SYNE3: variants seen among roughly 807,000 people sequenced by gnomAD.
SYNE3 encodes the protein spectrin repeat containing nuclear envelope family member 3, also known as nesprin-3.
SYNE3 carries 100 observed loss-of-function variants against 111.2 expected under a neutral mutation model. The observed-to-expected ratio is 0.90, with a 90% confidence interval of 0.77 to 1.06. The LOEUF (loss-of-function observed/expected upper bound fraction) is 1.06. SYNE3 is among the 50% of genes least tolerant of loss of function. The pLI is 0.00. For missense variants in SYNE3, 1,160 were observed against 1,240.3 expected (o/e 0.94, Z 0.97); for synonymous variants, 547 against 533.9 (o/e 1.02, Z -0.34).
At chr14:95,496,257 A>G (rs1013590063) in intron 1 of SYNE3, among the ~76,000 whole-genome samples, 1 of 152,244 alleles carries the variant, frequency 6.6e-6, no homozygotes, top group African/African-American at 2.4e-5. Flanking sequence ...GATGAACCAA[A>G]CAGATAAGAG....
chr14:95,423,559 A>T (rs1409471345), intron 17 of SYNE3, among the ~76,000 whole-genome samples: 2 of 55,014 alleles, frequency 3.6e-5, no homozygotes, highest in East Asian at 1.5e-3. Context: ...GGGCATGGGG[A>T]TTTGATGGGG....
At chr14:95,499,299 C>T (rs1345256970) in intron 1 of SYNE3, among the ~76,000 whole-genome samples, 2 of 152,228 alleles carry the variant, frequency 1.3e-5, no homozygotes, top group African/African-American at 4.8e-5. Flanking sequence ...CTGTGCCTCA[C>T]AGCCTCCACC....
At chr14:95,511,245 A>G (rs1008234879) in intron 1 of SYNE3, among the ~76,000 whole-genome samples, 1 of 152,240 alleles carries the variant, frequency 6.6e-6, no homozygotes, top group Non-Finnish European at 1.5e-5. Context: ...CCTGCAAAAA[A>G]TAGGATGAGT....
chr14:95,483,982 G>C (rs1431453601), intron 1 of SYNE3, among the ~76,000 whole-genome samples: 1 of 152,232 alleles, frequency 6.6e-6, no homozygotes, highest in Non-Finnish European at 1.5e-5. Context: ...TCACAGACCG[G>C]TGGTGTCTGG....
At chr14:95,484,379 C>T (rs1351225012) in intron 1 of SYNE3, among the ~76,000 whole-genome samples, 1 of 152,128 alleles carries the variant, frequency 6.6e-6, no homozygotes, top group African/African-American at 2.4e-5. Flanking sequence ...TCCAATTGGA[C>T]ACTTTGAAGG....
chr14:95,479,046 C>G (rs988320101), intron 1 of SYNE3, among the ~76,000 whole-genome samples: 1 of 152,062 alleles, frequency 6.6e-6, no homozygotes, highest in Non-Finnish European at 1.5e-5. Flanking sequence ...CACTTAACCT[C>G]TCTGGGTGTC....
At chr14:95,419,113 G>T (rs1272715336) in intron 17 of SYNE3, among the ~76,000 whole-genome samples, 6 of 152,214 alleles carry the variant, frequency 3.9e-5, no homozygotes, top group Non-Finnish European at 5.9e-5. Flanking sequence ...GGACTGGCCA[G>T]GTTGTGGCTT....
At chr14:95,418,063 G>A (rs765505660) in intron 17 of SYNE3, 37 bp from the exon 18 acceptor site, 7 of 1,599,362 alleles carry the variant, frequency 4.4e-6, no homozygotes, top group Non-Finnish European at 5.9e-6. Context: ...GTGGGCTGGG[G>A]GGCTCTGGTG....
At chr14:95,503,602 A>C (rs1480921823) in intron 1 of SYNE3, among the ~76,000 whole-genome samples, 1 of 149,110 alleles carries the variant, frequency 6.7e-6, no homozygotes, top group African/African-American at 2.5e-5. Flanking sequence ...GACTTGTTTC[A>C]GAACTACCTT....
intron 5 of SYNE3, chr14:95,456,058 A>G: frequency 5.0e-6 from 2 of 402,756 alleles, no homozygotes; most frequent in Non-Finnish European, 8.8e-6. Flanking sequence ...GGAGCCAAAT[A>G]GAACCAAATG....
chr14:95,443,207 T>A lies in SYNE3; in HGVS notation c.1859A>T (p.His620Leu), dbSNP rs1020195155. 6.2e-7 allele frequency: 1 copy of A among 1,614,218 alleles called. No individual in the cohort carries two copies. Among genetic ancestry groups the A allele is most frequent in the Non-Finnish European group, 8.5e-7 (1 of 1,180,026 alleles). Residue 620 changes from histidine (H) to leucine (L), a missense_variant, in exon 11 of 18, where the codon CAC becomes CTC. Coordinates refer to ENST00000682763, the MANE Select transcript of SYNE3 (RefSeq NM_152592.6). Reference sequence around the variant, plus strand: ...GTCGGAGGAAAGCTGGTCCATTTTGTGCTGGTGGTTGGGGTTCTCCTGGAC... The same window carrying A: ...GTCGGAGGAAAGCTGGTCCATTTTGAGCTGGTGGTTGGGGTTCTCCTGGAC... ...PLVQENPNHQ[H>L]KMDQLSSDFQ... is the part of the protein sequence containing the mutation.
At chr14:95,474,418 C>T (rs1176939110) in intron 2 of SYNE3, among the ~76,000 whole-genome samples, 1 of 152,214 alleles carries the variant, frequency 6.6e-6, no homozygotes, top group South Asian at 2.1e-4. Flanking sequence ...GTGGGCCTCA[C>T]CCACCTGCAC....
chr14:95,442,145 T>G (rs142898652), intron 11 of SYNE3, among the ~76,000 whole-genome samples: 1 of 152,316 alleles, frequency 6.6e-6, no homozygotes, highest in East Asian at 1.9e-4. Context: ...CTCTTGGGTT[T>G]GATCAAAGTG....
At chr14:95,509,942 T>C (rs900080701) in intron 1 of SYNE3, among the ~76,000 whole-genome samples, 5 of 152,236 alleles carry the variant, frequency 3.3e-5, no homozygotes, top group African/African-American at 1.2e-4. Context: ...AGATACCATC[T>C]TGGCCCTGAA....
At chr14:95,502,546 G>A (rs1428531206) in intron 1 of SYNE3, among the ~76,000 whole-genome samples, 1 of 152,134 alleles carries the variant, frequency 6.6e-6, no homozygotes, top group African/African-American at 2.4e-5. Context: ...TCCAAGGACA[G>A]GCTTCCTCCC....
At chr14:95,511,629 T>G (rs1890723742) in intron 1 of SYNE3, among the ~76,000 whole-genome samples, 1 of 151,960 alleles carries the variant, frequency 6.6e-6, no homozygotes, top group Admixed American at 6.6e-5. Context: ...GCAGGAGAAC[T>G]GCTTGAACCC....
intron 1 of SYNE3, among the ~76,000 whole-genome samples, chr14:95,490,215 G>A (rs1212311597): frequency 2.0e-5 from 3 of 152,228 alleles, no homozygotes; most frequent in African/African-American, 4.8e-5. Flanking sequence ...GACTATCACC[G>A]TCATCTCTTG....
rs1384720561 is a variant in SYNE3 at position 95,475,585 on chromosome 14, C to T, written c.144+93G>A. On this transcript the variant is annotated intron_variant, in intron 2 of 17. Coordinates refer to ENST00000682763, the MANE Select transcript of SYNE3 (RefSeq NM_152592.6). ...TTTGAGAAACATTGGTTTAGTCCAC[C>T]GTTGCCTTTCACAGATAGGAAACCT... 4.7e-6 allele frequency: 6 copies of T among 1,271,454 alleles called. No homozygotes were observed. The Admixed American group carries it at 1.1e-4, about 24-fold the overall frequency. 78.8% of individuals were successfully genotyped at this position (1,271,454 alleles called of 1,614,324 possible).
rs967590311 is a variant in SYNE3, at chr14:95,413,643, G to A, written c.*4183C>T. 2.6e-5 allele frequency: 4 copies of A among 152,228 alleles called. No individual in the cohort carries two copies. The highest frequency in any genetic ancestry group is 5.9e-5 in the Non-Finnish European group (4 of 68,134). The allele number at this position is 152,228 out of a possible 1,614,324, so 9.4% of individuals were successfully genotyped here. A position where few individuals can be genotyped will look rare whatever the true frequency, so the allele number is the denominator to read the frequency against. Reference sequence around the variant, plus strand: ...TGCCTGTCATTCTCCTTGGCCCCCAGGGTGCAGAGGGTCCCCAGCTTCCTT... The same window carrying A: ...TGCCTGTCATTCTCCTTGGCCCCCAAGGTGCAGAGGGTCCCCAGCTTCCTT... On this transcript the variant is annotated 3_prime_UTR_variant, in exon 18 of 18. Coordinates refer to ENST00000682763, the MANE Select transcript of SYNE3 (RefSeq NM_152592.6).
Sources: allele counts gnomAD v4.1 joint callset (sites outside exome capture counted in the v4.1 genomes callset), GRCh38; gene constraint gnomAD v4.1.1; transcripts MANE v1.5; gene names NCBI Gene and HGNC (gene_info 2026-07-23, HGNC 2026-07-21).